The following LPIN2 variants were observed in gnomAD, a reference collection of about 807,000 sequenced individuals.
LPIN2 encodes lipin 2.
A neutral mutation model predicts 111.4 loss-of-function variants in LPIN2; 55 were observed. That is an observed-to-expected ratio of 0.49 (90% CI 0.40 to 0.62). LPIN2 has a LOEUF of 0.62. LPIN2 is among the 20% of genes least tolerant of loss of function. The pLI is 0.00. For missense variants in LPIN2, 992 were observed against 1,112.1 expected, an observed-to-expected ratio of 0.89 and a Z score of 1.54; for synonymous variants, 425 against 414.0, an observed-to-expected ratio of 1.03 and a Z score of -0.32.
rs536565753 is a variant in LPIN2 at position 2,969,456 on chromosome 18, T to C, written c.-9-8607A>G. Among the ~76,000 whole-genome samples the C allele has an allele frequency of 2.6e-5, 4 of 152,248 alleles. No homozygotes were observed. In the South Asian group the frequency reaches 8.3e-4, roughly 32 times the overall value. ...TGGAGGATCTGAGGTTCTAGTCAATTCCCCGTAGATCACAAACTCTGTCTT... is the reference window on the plus strand; with the variant it reads ...TGGAGGATCTGAGGTTCTAGTCAATCCCCCGTAGATCACAAACTCTGTCTT... On this transcript the variant is annotated intron_variant, in intron 1 of 19. Coordinates refer to ENST00000677752, the MANE Select transcript of LPIN2 (RefSeq NM_001375808.2).
chr18:2,971,164 A>G (rs1236767687), intron 1 of LPIN2, among the ~76,000 whole-genome samples: 1 of 152,128 alleles, frequency 6.6e-6, no homozygotes, highest in Non-Finnish European at 1.5e-5. Flanking sequence ...TCAGCCCAAT[A>G]ATTTTCTGGA....
intron 1 of LPIN2, chr18:2,972,415 G>A (rs533282317): frequency 6.6e-5 from 10 of 152,284 alleles, no homozygotes; most frequent in Admixed American, 5.9e-4. Context: ...AGAAAACAAA[G>A]TGAAACACAA....
chr18:2,934,456 T>A lies in LPIN2; in HGVS notation c.1169-6A>T. ...TTGGCTTCTTTTGTGAACACCTGTT[T>A]AAAAAAAAAATCAGAGGTAAGAATT... On this transcript the variant is annotated splice_region_variant and splice_polypyrimidine_tract_variant and intron_variant, in intron 7 of 19. Transcript: ENST00000677752. 6 of 1,499,652 alleles carry A rather than the reference T, an allele frequency of 4.0e-6. No homozygotes were observed. The highest frequency in any genetic ancestry group is 5.5e-6 in the Non-Finnish European group (6 of 1,091,492). The allele number at this position is 1,499,652 out of a possible 1,614,324, so 92.9% of individuals were successfully genotyped here.
At chr18:2,979,311 C>CT (rs1378086353) in intron 1 of LPIN2, among the ~76,000 whole-genome samples, 2 of 152,198 alleles carry the variant, frequency 1.3e-5, no homozygotes, top group Non-Finnish European at 2.9e-5. Flanking sequence ...ACCAGGCACT[C>CT]TAACGCACTG....
chr18:2,993,578 C>T (rs939466715), intron 1 of LPIN2, among the ~76,000 whole-genome samples: 1 of 148,608 alleles, frequency 6.7e-6, no homozygotes, highest in Non-Finnish European at 1.5e-5. Context: ...TTACCACGAG[C>T]TTGGTGATTC....
At chr18:2,998,898 G>C (rs570670754) in intron 1 of LPIN2, among the ~76,000 whole-genome samples, 1 of 152,164 alleles carries the variant, frequency 6.6e-6, no homozygotes, top group East Asian at 1.9e-4. Flanking sequence ...CAAACCAAGA[G>C]TGAAAATGAG....
intron 3 of LPIN2, 98 bp from the exon 4 acceptor site, chr18:2,951,454 A>C (rs1232204032): frequency 1.0e-6 from 1 of 1,001,942 alleles, no homozygotes; most frequent in Non-Finnish European, 1.5e-6. Context: ...CATGGTAAAA[A>C]AAAAAAAAAT....
At chr18:2,995,350 C>G (rs1270402317) in intron 1 of LPIN2, among the ~76,000 whole-genome samples, 1 of 152,144 alleles carries the variant, frequency 6.6e-6, no homozygotes, top group East Asian at 1.9e-4. Context: ...TTTTAACTTC[C>G]CAAACCATTT....
At chr18:2,990,026 T>C (rs1249878507) in intron 1 of LPIN2, among the ~76,000 whole-genome samples, 1 of 151,736 alleles carries the variant, frequency 6.6e-6, no homozygotes, top group African/African-American at 2.4e-5. Context: ...AACCCAAACA[T>C]TTATGGCCAA....
chr18:2,928,713 G>A (rs1418404516), intron 10 of LPIN2, 53 bp from the exon 11 acceptor site: 2 of 1,323,298 alleles, frequency 1.5e-6, no homozygotes, highest in African/African-American at 2.9e-5. Flanking sequence ...GTGAGCAAGA[G>A]AGAGGGGAGG....
chr18:2,985,503 C>A (rs545574462), intron 1 of LPIN2: 4 of 150,796 alleles, frequency 2.7e-5, no homozygotes, highest in Non-Finnish European at 3.0e-5. Flanking sequence ...TTAACTCTTT[C>A]AAAAAAAAAT....
intron 1 of LPIN2, among the ~76,000 whole-genome samples, chr18:2,987,977 T>C (rs144248667): frequency 0.012 from 1,652 of 140,734 alleles, 10 homozygotes; most frequent in Non-Finnish European, 0.016. Context: ...CATACCACTG[T>C]TCTCCAGCCT....
Position 2,960,853 on chromosome 18 carries a change from C to A in LPIN2, c.-9-4G>T, listed in dbSNP as rs1164231015. 1 of 1,611,264 alleles carries A rather than the reference C, an allele frequency of 6.2e-7. No individual in the cohort carries two copies. Among genetic ancestry groups the A allele is most frequent in the Non-Finnish European group, 8.5e-7 (1 of 1,178,356 alleles). On this transcript the variant is annotated splice_polypyrimidine_tract_variant and splice_region_variant and intron_variant, in intron 1 of 19. Transcript: ENST00000677752. Reference sequence around the variant, plus strand: ...CCACATAATTCATGGTTTGAGACTACAAGAAACAAAAATTAGATGAGATGT... The same window carrying A: ...CCACATAATTCATGGTTTGAGACTAAAAGAAACAAAAATTAGATGAGATGT...
At chr18:2,939,670 CAG>C in intron 5 of LPIN2, 67 bp from the exon 6 acceptor site, 1 of 1,577,198 alleles carries the variant, frequency 6.3e-7, no homozygotes, top group Non-Finnish European at 8.6e-7. Context: ...CTGAGCCTGA[CAG>C]ATTAAAAGAA....
chr18:2,972,389 G>A (rs932508917), intron 1 of LPIN2: 1 of 152,194 alleles, frequency 6.6e-6, no homozygotes, highest in Non-Finnish European at 1.5e-5. Context: ...CAAGGGTGCC[G>A]TAACTGCATT....
intron 1 of LPIN2, among the ~76,000 whole-genome samples, chr18:2,996,467 CTTTTTTTTTTTTTTTTT>C (rs1179106649): frequency 1.2e-5 from 1 of 84,996 alleles, no homozygotes; most frequent in South Asian, 4.5e-4. Context: ...AGGAAAATAT[CTTTTTTTTTTTTTTTTT>C]TTTTTTTTTT....
intron 1 of LPIN2, among the ~76,000 whole-genome samples, chr18:2,994,394 G>A (rs2078309681): frequency 6.6e-6 from 1 of 152,236 alleles, no homozygotes; most frequent in Admixed American, 6.5e-5. Flanking sequence ...GCTCCCTAGG[G>A]CAGCTGGCAA....
At chr18:2,994,123 C>T (rs1336061451) in intron 1 of LPIN2, among the ~76,000 whole-genome samples, 1 of 152,192 alleles carries the variant, frequency 6.6e-6, no homozygotes, top group Non-Finnish European at 1.5e-5. Flanking sequence ...AAATGTACGC[C>T]TATCATTCAA....
intron 11 of LPIN2, among the ~76,000 whole-genome samples, chr18:2,928,270 T>C (rs1231325827): frequency 1.3e-5 from 2 of 152,238 alleles, no homozygotes; most frequent in Admixed American, 1.3e-4. Flanking sequence ...TCTTCCCATA[T>C]TAATGGGAGA....
Sources: gnomAD v4.1 joint callset for allele counts (sites outside exome capture counted in the v4.1 genomes callset) on GRCh38, gnomAD v4.1.1 for gene constraint, MANE v1.5 for transcripts, NCBI Gene and HGNC (gene_info 2026-07-23, HGNC 2026-07-21) for gene names.